Variants in GAK observed in about 807,000 individuals in gnomAD.
GAK encodes the protein cyclin G associated kinase.
GAK carries 79 observed loss-of-function variants against 143.9 expected under a neutral mutation model. The ratio of observed to expected loss-of-function variants is 0.55; its 90% CI spans 0.46 to 0.66. GAK has a LOEUF of 0.66. Ranked by LOEUF, GAK falls within the 30% of genes least tolerant of loss-of-function variation. The pLI is 0.00. For missense variants in GAK, 1,693 were observed against 1,779.7 expected (o/e 0.95, Z 0.88); for synonymous variants, 881 against 765.5 (o/e 1.15, Z -2.49).
intron 1 of GAK, among the ~76,000 whole-genome samples, chr4:926,925 G>T (rs781653977): frequency 1.2e-4 from 1 of 8,240 alleles, no homozygotes; most frequent in African/African-American, 3.7e-4. Context: ...CACCCCTCCC[G>T]GCTCACCAGC....
rs1751211586 is a variant in GAK at position 866,553 on chromosome 4, A to G, written c.2873-19T>C. 21 of 1,610,252 alleles carry G rather than the reference A, an allele frequency of 1.3e-5. No individual in the cohort carries two copies. The highest frequency in any genetic ancestry group is 2.2e-5 in the East Asian group (1 of 44,716). ...GGGTCAGCTGTGGGGACAGGCGGGC[A>G]TGGGGAGGACTCAGCCCGGCTGCCT... On this transcript the variant is annotated intron_variant, in intron 21 of 27. Coordinates refer to ENST00000314167, the MANE Select transcript of GAK (RefSeq NM_005255.4).
At chr4:899,482 C>T (rs575244778) in intron 5 of GAK, among the ~76,000 whole-genome samples, 486 of 152,274 alleles carry the variant, frequency 3.2e-3, no homozygotes, top group Non-Finnish European at 6.0e-3. Context: ...GGAAGGTGCT[C>T]GGCATGCACG....
intron 14 of GAK, 96 bp from the exon 15 acceptor site, chr4:882,136 G>T: frequency 7.6e-7 from 1 of 1,323,698 alleles, no homozygotes; most frequent in Non-Finnish European, 1.0e-6. Context: ...GTGGCTGCAG[G>T]GACGCAGGGC....
chr4:907,697 C>G (rs1435886371), intron 4 of GAK, among the ~76,000 whole-genome samples: 2 of 152,216 alleles, frequency 1.3e-5, no homozygotes, highest in Admixed American at 1.3e-4. Context: ...AGCCCGACCT[C>G]CAGGCCTCCT....
intron 1 of GAK, among the ~76,000 whole-genome samples, chr4:923,535 C>T (rs535513611): frequency 2.0e-5 from 3 of 152,090 alleles, no homozygotes; most frequent in African/African-American, 4.8e-5. Flanking sequence ...ATTAGCCAGG[C>T]GTGGTGGTGC....
chr4:893,633 G>T, intron 8 of GAK, 144 bp from the exon 9 acceptor site: 1 of 727,996 alleles, frequency 1.4e-6, no homozygotes. Context: ...GCGGCAAAGG[G>T]AAGAACAAAA....
At chr4:905,429 ACT>A (rs1720883329) in intron 4 of GAK, among the ~76,000 whole-genome samples, 2 of 148,360 alleles carry the variant, frequency 1.3e-5, no homozygotes, top group South Asian at 4.3e-4. Context: ...CACGCTACAG[ACT>A]CTGCCACGCC....
At chr4:918,900 C>G (rs886129721) in intron 1 of GAK, among the ~76,000 whole-genome samples, 3 of 129,540 alleles carry the variant, frequency 2.3e-5, no homozygotes, top group Admixed American at 1.5e-4. Context: ...CGCCCCATGA[C>G]CTTAGAAAGA....
intron 1 of GAK, among the ~76,000 whole-genome samples, chr4:928,825 G>A (rs867761108): frequency 2.0e-5 from 3 of 151,930 alleles, no homozygotes; most frequent in African/African-American, 4.8e-5. Flanking sequence ...GTGCAATGGC[G>A]TGATCTTGGC....
At chr4:889,093 TC>T in intron 10 of GAK, 123 bp from the exon 11 acceptor site, 1 of 1,256,114 alleles carries the variant, frequency 8.0e-7, no homozygotes, top group Non-Finnish European at 1.1e-6. Flanking sequence ...CGGTCCCACC[TC>T]CCCAGGTGCA....
intron 1 of GAK, among the ~76,000 whole-genome samples, chr4:916,834 C>T (rs868337175): frequency 4.2e-4 from 64 of 152,304 alleles, no homozygotes; most frequent in South Asian, 3.7e-3. Context: ...CCTGACATTA[C>T]GCTGCTGTGT....
At chr4:920,276 C>A (rs1261239741) in intron 1 of GAK, among the ~76,000 whole-genome samples, 1 of 151,116 alleles carries the variant, frequency 6.6e-6, no homozygotes, top group Non-Finnish European at 1.5e-5. Context: ...CCACTGCACT[C>A]CAACCTGGGC....
At chr4:869,032 A>G in intron 19 of GAK, 2 of 278,650 alleles carry the variant, frequency 7.2e-6, no homozygotes, top group Admixed American at 4.9e-5. Flanking sequence ...GCACACACAC[A>G]GGCGCACAGT....
At chr4:925,891 G>A (rs1054169734) in intron 1 of GAK, among the ~76,000 whole-genome samples, 7 of 152,202 alleles carry the variant, frequency 4.6e-5, no homozygotes, top group African/African-American at 1.2e-4. Flanking sequence ...ACTGGGACAC[G>A]GGGATGCGCA....
intron 5 of GAK, among the ~76,000 whole-genome samples, chr4:900,078 A>G (rs955889527): frequency 6.6e-6 from 1 of 152,254 alleles, no homozygotes; most frequent in Non-Finnish European, 1.5e-5. Context: ...CAGCGGGGAG[A>G]TGCAGTGGCA....
At chr4:877,951 T>A in intron 15 of GAK, 142 bp from the exon 16 acceptor site, 1 of 634,234 alleles carries the variant, frequency 1.6e-6, no homozygotes, top group Non-Finnish European at 2.7e-6. Flanking sequence ...AATCTGATGT[T>A]ATAATTTTCA....
intron 23 of GAK, 41 bp from the exon 24 acceptor site, chr4:859,763 A>G: frequency 7.1e-7 from 1 of 1,409,016 alleles, no homozygotes; most frequent in Non-Finnish European, 9.8e-7. Context: ...GCACCATCTG[A>G]AGCGAAACAC....
chr4:878,021 A>T (rs1714340580), intron 15 of GAK, among the ~76,000 whole-genome samples: 1 of 152,166 alleles, frequency 6.6e-6, no homozygotes, highest in Admixed American at 6.5e-5. Context: ...CAGAGTCTTA[A>T]AAATACGCCC....
At chr4:883,492 T>G (rs1001575174) in intron 12 of GAK, 29 bp from the exon 13 acceptor site, 1 of 1,610,782 alleles carries the variant, frequency 6.2e-7, no homozygotes, top group Non-Finnish European at 8.5e-7. Context: ...CGTCAGCACC[T>G]GGGAGATGCG....
Sources: allele counts gnomAD v4.1 joint callset (sites outside exome capture counted in the v4.1 genomes callset), GRCh38; gene constraint gnomAD v4.1.1; transcripts MANE v1.5; gene names NCBI Gene and HGNC (gene_info 2026-07-23, HGNC 2026-07-21).